Variants in ZMPSTE24 observed in about 807,000 individuals in gnomAD.
The protein encoded by ZMPSTE24 is zinc metallopeptidase STE24.
ZMPSTE24 carries 48 observed loss-of-function variants against 56.7 expected under a neutral mutation model. The ratio of observed to expected loss-of-function variants is 0.85; its 90% confidence interval spans 0.67 to 1.08. The LOEUF (loss-of-function observed/expected upper bound fraction) is 1.08, where lower values mean the gene tolerates loss of function less well. Ranked by LOEUF, ZMPSTE24 falls within the 50% of genes least tolerant of loss-of-function variation. The pLI, the probability that ZMPSTE24 is intolerant of heterozygous loss-of-function variation, is 0.00. For missense variants in ZMPSTE24, 503 were observed against 548.7 expected, an observed-to-expected ratio of 0.92 and a Z score of 0.83; for synonymous variants, 172 against 195.2, an observed-to-expected ratio of 0.88 and a Z score of 0.99.
intron 1 of ZMPSTE24, chr1:40,259,415 G>A (rs1181988395): frequency 6.6e-6 from 1 of 152,086 alleles, no homozygotes; most frequent in African/African-American, 2.4e-5. Context: ...GAAACTAGGA[G>A]GGACGAGGGA....
chr1:40,268,615 C>T (rs1643580682), intron 4 of ZMPSTE24, 80 bp downstream of exon 4: 1 of 922,138 alleles, frequency 1.1e-6, no homozygotes, highest in Middle Eastern at 2.4e-4. Flanking sequence ...ATAATTTAAA[C>T]ATAATTTACT....
chr1:40,266,761 G>GTTTTT (rs3075102), intron 2 of ZMPSTE24, among the ~76,000 whole-genome samples: 24 of 88,116 alleles, frequency 2.7e-4, no homozygotes, highest in African/African-American at 3.8e-4. Context: ...TTTCGAACAA[G>GTTTTT]TTTTTTTTTT....
In ZMPSTE24 at chr1:40,286,640, C is replaced by T. The variant is rs191458584; in HGVS notation, c.1059+611C>T. 1.5e-3 allele frequency among the ~76,000 whole-genome samples: 233 copies of T among 151,614 alleles called. 1 individual carries two copies. The highest frequency in any genetic ancestry group is 5.4e-3 in the African/African-American group (222 of 41,298). ...ATCACCATGTTGGCCAGGCTGGTCT[C>T]GAACTCCTGACCTCAGGTAATGCAC... is the stretch of plus-strand genomic sequence containing the variant. On this transcript the variant is annotated intron_variant, in intron 8 of 9. Transcript: ENST00000372759.
rs996301433 is a variant in ZMPSTE24 at position 40,290,450 on chromosome 1, A to AT, written c.1060-376dup. Among the ~76,000 whole-genome samples the AT allele has an allele frequency of 9.6e-3, 795 of 82,510 alleles. 139 individuals carry two copies. Among genetic ancestry groups the AT allele is most frequent in the Non-Finnish European group, 0.012 (562 of 44,964 alleles). The allele number at this position is 82,510 out of a possible 152,430, so 54.1% of individuals were successfully genotyped here. On this transcript the variant is annotated intron_variant, in intron 8 of 9. Transcript: ENST00000372759. ...TACCTTTCTTAAAATCACACTATGA[A>AT]TTTTTTTTTTTTTTTTTTTTTTTTT...
chr1:40,275,777 ACGTTTG>A, intron 6 of ZMPSTE24, among the ~76,000 whole-genome samples: 1 of 151,132 alleles, frequency 6.6e-6, no homozygotes, highest in East Asian at 1.9e-4. Flanking sequence ...AAAAAAAACA[ACGTTTG>A]ATATCTCACA....
intron 1 of ZMPSTE24, 63 bp from the exon 2 acceptor site, chr1:40,260,776 A>G: frequency 1.9e-6 from 3 of 1,550,028 alleles, no homozygotes; most frequent in South Asian, 1.1e-5. Flanking sequence ...TCGATGTTTG[A>G]TCATAAATGA....
chr1:40,288,276 A>G (rs1643806563), intron 8 of ZMPSTE24, among the ~76,000 whole-genome samples: 1 of 152,230 alleles, frequency 6.6e-6, no homozygotes, highest in Non-Finnish European at 1.5e-5. Flanking sequence ...AGGTATAGAA[A>G]TGCATTCCTT....
At chr1:40,279,386 T>C (rs2124588642) in intron 6 of ZMPSTE24, among the ~76,000 whole-genome samples, 1 of 152,294 alleles carries the variant, frequency 6.6e-6, no homozygotes, top group Non-Finnish European at 1.5e-5. Context: ...TTTGAATCCT[T>C]ATAACTAGGC....
At chr1:40,289,568 GCCCC>G (rs1643819567) in intron 8 of ZMPSTE24, among the ~76,000 whole-genome samples, 1 of 152,140 alleles carries the variant, frequency 6.6e-6, no homozygotes, top group Non-Finnish European at 1.5e-5. Context: ...TATGCTCTAA[GCCCC>G]ATTCTAAGCT....
chr1:40,291,106 A>G, intron 9 of ZMPSTE24, 109 bp downstream of exon 9: 6 of 1,428,448 alleles, frequency 4.2e-6, no homozygotes, highest in Non-Finnish European at 5.7e-6. Flanking sequence ...TAACAAATAG[A>G]TGAAACAAAG....
chr1:40,290,835 T>G lies in ZMPSTE24; in HGVS notation c.1060-19T>G, dbSNP rs1643835889. 1 of 1,612,930 alleles carries G rather than the reference T, an allele frequency of 6.2e-7. No homozygotes were observed. Among genetic ancestry groups the G allele is most frequent in the African/African-American group, 1.3e-5 (1 of 74,878 alleles). On this transcript the variant is annotated intron_variant, in intron 8 of 9. Coordinates refer to ENST00000372759, the MANE Select transcript of ZMPSTE24 (RefSeq NM_005857.5). ...ATCAGCTTGGTAATAACTTAGAAATTTCATGTCCTTCTTTCTAGATGAATT... is the reference window on the plus strand; with the variant it reads ...ATCAGCTTGGTAATAACTTAGAAATGTCATGTCCTTCTTTCTAGATGAATT...
In ZMPSTE24 at chr1:40,273,516, T is replaced by TCAAAAAAA. The variant is rs1208318399; in HGVS notation, c.769+1481_769+1482insCAAAAAAA. ...TGGGCAACAAGAGCCAAATTCTGTC[T>TCAAAAAAA]AAAAAAAAAAAAAAAAAAAAAATAT... On this transcript the variant is annotated intron_variant, in intron 6 of 9. Coordinates refer to ENST00000372759, the MANE Select transcript of ZMPSTE24 (RefSeq NM_005857.5). 5.3e-3 allele frequency among the ~76,000 whole-genome samples: 56 copies of TCAAAAAAA among 10,576 alleles called. 11 individuals carry two copies. The highest frequency in any genetic ancestry group is 0.015 in the South Asian group (3 of 206). The allele number at this position is 10,576 out of a possible 152,430, so 6.9% of individuals were successfully genotyped here.
At position 40,290,886 on chromosome 1, in the gene ZMPSTE24, T is replaced by G. The variant is rs769146108; in HGVS notation, c.1092T>G (p.Ala364=). 3.1e-6 allele frequency: 5 copies of G among 1,613,958 alleles called. No homozygotes were observed. The African/African-American group carries it at 6.7e-5, about 22-fold the overall frequency. The change falls in exon 9 of 10, where the codon GCT becomes GCG. Residue 364 remains alanine, a synonymous_variant. Transcript: ENST00000372759. ...MNSFLCFFLF[A]VLIGRKELFA... is the part of the protein sequence containing the mutation. Reference sequence around the variant, plus strand: ...CTTTCCTGTGTTTTTTTTTATTTGCTGTATTAATTGGTCGAAAGGAGCTTT... The same window carrying G: ...CTTTCCTGTGTTTTTTTTTATTTGCGGTATTAATTGGTCGAAAGGAGCTTT...
rs1401166968 is a variant in ZMPSTE24, at chr1:40,290,897, G to A, written c.1103G>A (p.Gly368Asp). 6.2e-7 allele frequency: 1 copy of A among 1,613,824 alleles called. No individual in the cohort carries two copies. The highest frequency in any genetic ancestry group is 1.1e-5 in the South Asian group (1 of 91,070). Residue 368 changes from glycine (G) to aspartate (D), a missense_variant, in exon 9 of 10, where the codon GGT becomes GAT. Transcript: ENST00000372759. ...LCFFLFAVLI[G>D]RKELFAAFGF... ...TTTTTTTTATTTGCTGTATTAATTG[G>A]TCGAAAGGAGCTTTTTGCTGCATTT...
At chr1:40,267,913 T>G in intron 3 of ZMPSTE24, 41 bp downstream of exon 3, 1 of 1,568,156 alleles carries the variant, frequency 6.4e-7, no homozygotes, top group East Asian at 2.2e-5. Context: ...GGTATTTCTT[T>G]TAGCTTGGCA....
intron 8 of ZMPSTE24, among the ~76,000 whole-genome samples, chr1:40,289,451 G>A (rs1002588244): frequency 6.6e-6 from 1 of 152,224 alleles, no homozygotes; most frequent in African/African-American, 2.4e-5. Flanking sequence ...GATTATAAGT[G>A]TAGGAGACTT....
At chr1:40,282,100 A>G (rs1022431701) in intron 7 of ZMPSTE24, among the ~76,000 whole-genome samples, 6 of 152,254 alleles carry the variant, frequency 3.9e-5, no homozygotes, top group African/African-American at 1.4e-4. Flanking sequence ...GTACACAAAA[A>G]TAAAAAGGAA....
chr1:40,281,506 A>G lies in ZMPSTE24; in HGVS notation c.933A>G (p.Glu311=), dbSNP rs150740479. The change falls in exon 7 of 10, where the codon GAA becomes GAG. Residue 311 remains glutamate (E), a synonymous_variant. Transcript: ENST00000372759. ...EPRNEEEGNS[E]EIKAKVKNKK... The stretch of plus-strand genomic sequence containing the variant: ...GCAATGAGGAAGAAGGGAACAGTGA[A>G]GAAATAAAAGCTAAAGTTAAAGTGA... The G allele has an allele frequency of 2.4e-5, 38 of 1,614,106 alleles. No individual in the cohort carries two copies. The African/African-American group carries it at 3.9e-4, about 16-fold the overall frequency.
chr1:40,269,619 T>G (rs1643593023), intron 4 of ZMPSTE24, among the ~76,000 whole-genome samples: 1 of 152,016 alleles, frequency 6.6e-6, no homozygotes, highest in African/African-American at 2.4e-5. Context: ...TATACTACAC[T>G]GGGTTAATTT....
Sources: gnomAD v4.1 joint callset for allele counts (sites outside exome capture counted in the v4.1 genomes callset) on GRCh38, gnomAD v4.1.1 for gene constraint, MANE v1.5 for transcripts, NCBI Gene and HGNC (gene_info 2026-07-23, HGNC 2026-07-21) for gene names.